SNX24: variants seen among roughly 807,000 people sequenced by gnomAD.
SNX24 encodes the protein sorting nexin 24.
Under a neutral mutation model 28.7 loss-of-function variants are expected in SNX24, and 22 were observed. That is an observed-to-expected ratio of 0.77 (90% CI 0.55 to 1.10). The LOEUF (loss-of-function observed/expected upper bound fraction) is 1.10, where lower values mean the gene tolerates loss of function less well. Among genes scored for constraint, SNX24 ranks in the 50% least tolerant of loss-of-function variants. The pLI is 0.00. For synonymous variants in SNX24, 69 were observed against 71.5 expected, an observed-to-expected ratio of 0.96 and a Z score of 0.18; for missense variants, 221 against 201.1, an observed-to-expected ratio of 1.10 and a Z score of -0.60.
intron 3 of SNX24, among the ~76,000 whole-genome samples, chr5:122,967,019 A>T (rs919388901): frequency 6.6e-6 from 1 of 152,224 alleles, no homozygotes; most frequent in African/African-American, 2.4e-5. Context: ...TTCAGGAACC[A>T]TCTCACTGAC....
chr5:122,977,451 G>C (rs939185043), intron 3 of SNX24, among the ~76,000 whole-genome samples: 1 of 150,976 alleles, frequency 6.6e-6, no homozygotes, highest in African/African-American at 2.4e-5. Flanking sequence ...ATGGATTACT[G>C]TTAGGTCAAC....
At chr5:122,880,162 A>G (rs1017857785) in intron 1 of SNX24, among the ~76,000 whole-genome samples, 2 of 152,184 alleles carry the variant, frequency 1.3e-5, no homozygotes, top group Non-Finnish European at 1.5e-5. Context: ...TGATCAATAT[A>G]TTATCCTTAG....
chr5:122,978,364 G>T (rs575187699), intron 3 of SNX24, among the ~76,000 whole-genome samples: 2 of 152,276 alleles, frequency 1.3e-5, no homozygotes, highest in Admixed American at 1.3e-4. Context: ...CTGAAAACAT[G>T]CTAAAACAAA....
At chr5:122,885,953 C>T (rs1477851555) in intron 1 of SNX24, among the ~76,000 whole-genome samples, 3 of 152,066 alleles carry the variant, frequency 2.0e-5, no homozygotes, top group African/African-American at 7.3e-5. Flanking sequence ...GGTTCATGCT[C>T]CTATGAGAAT....
At chr5:122,854,880 T>A (rs1755111535) in intron 1 of SNX24, among the ~76,000 whole-genome samples, 2 of 152,192 alleles carry the variant, frequency 1.3e-5, no homozygotes, top group African/African-American at 4.8e-5. Context: ...CACTATAGTT[T>A]ATTAAGTGTG....
intron 3 of SNX24, among the ~76,000 whole-genome samples, chr5:122,974,758 T>C (rs932593909): frequency 2.0e-5 from 3 of 152,236 alleles, no homozygotes; most frequent in Non-Finnish European, 4.4e-5. Context: ...GTGGCACTAA[T>C]CTCTGTAATC....
In SNX24 at chr5:122,883,775, G is replaced by T. The variant is rs549735888; in HGVS notation, c.60+38082G>T. 1.2e-4 allele frequency among the ~76,000 whole-genome samples: 18 copies of T among 151,936 alleles called. No individual in the cohort carries two copies. In the East Asian group the frequency reaches 3.3e-3, roughly 28 times the overall value. ...AGAGATCCTCCCACCTTACCCTCCG[G>T]AATAGCTGGGACTGCAGGCACGCAT... On this transcript the variant is annotated intron_variant, in intron 1 of 6. Coordinates refer to ENST00000261369, the MANE Select transcript of SNX24 (RefSeq NM_014035.4).
chr5:122,852,517 A>G (rs573287093), intron 1 of SNX24, among the ~76,000 whole-genome samples: 1 of 151,782 alleles, frequency 6.6e-6, no homozygotes. Flanking sequence ...CAAATTTTGT[A>G]TTTTTGCTAG....
chr5:122,873,079 G>A (rs1223769309), intron 1 of SNX24, among the ~76,000 whole-genome samples: 3 of 152,092 alleles, frequency 2.0e-5, no homozygotes, highest in Non-Finnish European at 4.4e-5. Context: ...AGGTCCACCT[G>A]CCTCAGTCTC....
At chr5:122,861,015 A>G (rs940827469) in intron 1 of SNX24, among the ~76,000 whole-genome samples, 4 of 152,062 alleles carry the variant, frequency 2.6e-5, no homozygotes, top group Non-Finnish European at 5.9e-5. Context: ...CACTTCCTTT[A>G]TGTTCCCAAT....
intron 1 of SNX24, among the ~76,000 whole-genome samples, chr5:122,920,811 A>G (rs1758399976): frequency 6.6e-6 from 1 of 152,242 alleles, no homozygotes; most frequent in African/African-American, 2.4e-5. Context: ...TGAGATATAC[A>G]TGTTCAATGC....
At chr5:122,920,652 TGTTATAGATGATGCA>T (rs1212749718) in intron 1 of SNX24, among the ~76,000 whole-genome samples, 1 of 152,176 alleles carries the variant, frequency 6.6e-6, no homozygotes, top group Non-Finnish European at 1.5e-5. Context: ...AATCCCCAGA[TGTTATAGATGATGCA>T]CAGCCATAGA....
chr5:122,850,744 G>C (rs192902028), intron 1 of SNX24, among the ~76,000 whole-genome samples: 1 of 148,940 alleles, frequency 6.7e-6, no homozygotes, highest in Non-Finnish European at 1.5e-5. Flanking sequence ...GTGGATTTAA[G>C]TCTGGCTTAG....
downstream of SNX24, among the ~76,000 whole-genome samples, chr5:123,013,074 G>T (rs1273154214): frequency 6.6e-6 from 1 of 152,202 alleles, no homozygotes; most frequent in South Asian, 2.1e-4. Context: ...TCTTGGGGGT[G>T]TTTGTTATAT....
chr5:122,992,450 T>C (rs945839014), intron 3 of SNX24, among the ~76,000 whole-genome samples: 9 of 152,134 alleles, frequency 5.9e-5, no homozygotes. Flanking sequence ...ATTGCTTAGC[T>C]TTATTATTTT....
intron 3 of SNX24, among the ~76,000 whole-genome samples, chr5:122,987,543 A>C (rs572938608): frequency 6.6e-6 from 1 of 152,330 alleles, no homozygotes; most frequent in South Asian, 2.1e-4. Flanking sequence ...GCTTGGGTAG[A>C]GGCATGAATG....
chr5:122,902,753 G>A (rs1757494433), intron 1 of SNX24, among the ~76,000 whole-genome samples: 1 of 152,114 alleles, frequency 6.6e-6, no homozygotes, highest in South Asian at 2.1e-4. Flanking sequence ...TTGCTATCAG[G>A]TGTATTTATC....
At chr5:122,898,454 G>A (rs899311221) in intron 1 of SNX24, among the ~76,000 whole-genome samples, 3 of 152,198 alleles carry the variant, frequency 2.0e-5, no homozygotes, top group Non-Finnish European at 4.4e-5. Context: ...GGCCCTGCAG[G>A]CAGTGTGGGA....
At chr5:123,025,703 AT>A in intron 5 of SNX24, 1 of 1,418,404 alleles carries the variant, frequency 7.1e-7, no homozygotes, top group Non-Finnish European at 9.7e-7. Context: ...TAACAAGCAT[AT>A]TTTAAGATTA....
Sources: allele counts gnomAD v4.1 joint callset (sites outside exome capture counted in the v4.1 genomes callset), GRCh38; gene constraint gnomAD v4.1.1; transcripts MANE v1.5; gene names NCBI Gene and HGNC (gene_info 2026-07-23, HGNC 2026-07-21).